PDE5A: variants seen among roughly 807,000 people sequenced by gnomAD.
PDE5A encodes the protein phosphodiesterase 5A.
PDE5A carries 67 observed loss-of-function variants against 110.2 expected under a neutral mutation model. The observed-to-expected ratio is 0.61, with a 90% CI of 0.50 to 0.75. The LOEUF is 0.75. Ranked by LOEUF, PDE5A falls within the 30% of genes least tolerant of loss-of-function variation. The pLI, the probability that PDE5A is intolerant of heterozygous loss-of-function variation, is 0.00. For missense variants in PDE5A, 862 were observed against 1,045.1 expected, an observed-to-expected ratio of 0.82 and a Z score of 2.42; for synonymous variants, 328 against 351.2, an observed-to-expected ratio of 0.93 and a Z score of 0.74.
intron 3 of PDE5A, among the ~76,000 whole-genome samples, chr4:119,580,994 C>T (rs1259990180): frequency 6.6e-6 from 1 of 152,192 alleles, no homozygotes; most frequent in Admixed American, 6.5e-5. Flanking sequence ...TGTTGGCCTG[C>T]AAAGCATAGG....
chr4:119,625,282 C>A (rs1413719588), intron 1 of PDE5A, among the ~76,000 whole-genome samples: 1 of 152,182 alleles, frequency 6.6e-6, no homozygotes, highest in African/African-American at 2.4e-5. Context: ...CAGGCATGAG[C>A]CACCGTGCCA....
chr4:119,515,093 AG>A (rs1387830793), intron 14 of PDE5A, among the ~76,000 whole-genome samples: 4 of 152,224 alleles, frequency 2.6e-5, no homozygotes, highest in African/African-American at 9.6e-5. Context: ...GCCTATATAA[AG>A]TTTTAGCTTC....
chr4:119,506,066 T>TA lies in PDE5A; in HGVS notation c.2190-135dup, dbSNP rs528173971. ...TTTTTTCCCATCTTAGAGCCCACTA[T>TA]AAAATCATCATTTACAAATCTTTAA... On this transcript the variant is annotated intron_variant, in intron 16 of 20. Transcript: ENST00000354960. 85 of 439,952 alleles carry TA rather than the reference T, an allele frequency of 1.9e-4. 1 individual carries two copies. In the South Asian group the frequency reaches 5.3e-3, roughly 27 times the overall value. 27.3% of individuals were successfully genotyped at this position (439,952 alleles called of 1,614,324 possible). A position where few individuals can be genotyped will look rare whatever the true frequency, so the allele number is the denominator to read the frequency against.
chr4:119,579,712 G>A (rs1436217807), intron 3 of PDE5A, among the ~76,000 whole-genome samples: 1 of 151,540 alleles, frequency 6.6e-6, no homozygotes, highest in Non-Finnish European at 1.5e-5. Context: ...AGTGGGGAGG[G>A]ATAGCATTTG....
chr4:119,513,008 A>T (rs1303531442), intron 14 of PDE5A: 1 of 151,950 alleles, frequency 6.6e-6, no homozygotes, highest in Non-Finnish European at 1.5e-5. Flanking sequence ...ATTATATTTA[A>T]TTTTTACAAT....
At position 119,498,229 on chromosome 4, in the gene PDE5A, T is replaced by G; in HGVS notation, c.*372A>C. On this transcript the variant is annotated 3_prime_UTR_variant, in exon 21 of 21. Transcript: ENST00000354960. ...AAAAAGGAAAGATTCCAAACATTCT[T>G]GAAAAAATGGTAATTCAGAAAACAC... is the stretch of plus-strand genomic sequence containing the variant. 6.1e-6 allele frequency: 1 copy of G among 163,366 alleles called. No individual in the cohort carries two copies. Among genetic ancestry groups the G allele is most frequent in the Admixed American group, 6.2e-5 (1 of 16,176 alleles). The allele number at this position is 163,366 out of a possible 1,614,324, so 10.1% of individuals were successfully genotyped here.
intron 8 of PDE5A, among the ~76,000 whole-genome samples, chr4:119,553,280 T>C (rs1560612807): frequency 6.6e-6 from 1 of 152,092 alleles, no homozygotes; most frequent in Non-Finnish European, 1.5e-5. Context: ...AGATTACCAA[T>C]TGCATCAGTT....
chr4:119,575,132 G>C (rs1489188851), intron 3 of PDE5A, among the ~76,000 whole-genome samples: 3 of 152,148 alleles, frequency 2.0e-5, no homozygotes, highest in Non-Finnish European at 1.5e-5. Context: ...GAGACGTTTA[G>C]AGAAAAAAGA....
intron 14 of PDE5A, among the ~76,000 whole-genome samples, chr4:119,511,469 A>G (rs187665446): frequency 9.0e-4 from 137 of 152,272 alleles, no homozygotes; most frequent in African/African-American, 2.8e-3. Flanking sequence ...TAGTTGTACC[A>G]ATTATATTTT....
intron 18 of PDE5A, among the ~76,000 whole-genome samples, chr4:119,504,129 G>A (rs1421010747): frequency 6.6e-6 from 1 of 151,922 alleles, no homozygotes; most frequent in Non-Finnish European, 1.5e-5. Flanking sequence ...AGTCCCCAGT[G>A]TCTATTATTT....
intron 1 of PDE5A, among the ~76,000 whole-genome samples, chr4:119,611,221 T>C (rs958653133): frequency 1.3e-5 from 2 of 152,210 alleles, no homozygotes; most frequent in Non-Finnish European, 2.9e-5. Context: ...AAATTCTCAC[T>C]ATCTGCTATT....
intron 1 of PDE5A, 24 bp from the exon 2 acceptor site, chr4:119,607,321 C>A (rs1370342844): frequency 6.7e-7 from 1 of 1,489,030 alleles, no homozygotes; most frequent in East Asian, 2.3e-5. Context: ...CGTGCAGACA[C>A]ATTAGATACT....
chr4:119,620,870 C>T (rs1421441634), intron 1 of PDE5A, among the ~76,000 whole-genome samples: 4 of 152,216 alleles, frequency 2.6e-5, no homozygotes, highest in Non-Finnish European at 5.9e-5. Flanking sequence ...GTATGCTGTG[C>T]TAGAGGAATA....
At position 119,627,250 on chromosome 4, in the gene PDE5A, C is replaced by T; in HGVS notation, c.152+1270G>A. ...GAGGCTCCGTAGGGGCAACAACGCG[C>T]GCAGGTGAGGTGAGGTGAGGTCGGC... is the stretch of plus-strand genomic sequence containing the variant. On this transcript the variant is annotated intron_variant, in intron 1 of 20. Transcript: ENST00000354960. This position sits in a 1 kb window ranked among gnomAD's most constrained non-coding sequence, Gnocchi z 4.6. 1.2e-6 allele frequency: 2 copies of T among 1,603,604 alleles called. No individual in the cohort carries two copies. The highest frequency in any genetic ancestry group is 1.3e-5 in the African/African-American group (1 of 74,660).
chr4:119,612,163 A>T (rs1354682341), intron 1 of PDE5A, among the ~76,000 whole-genome samples: 4 of 152,152 alleles, frequency 2.6e-5, no homozygotes, highest in African/African-American at 9.7e-5. Context: ...GGCCTTTGGG[A>T]GGGTTCTGCC....
chr4:119,542,215 CATA>C (rs1726955930), intron 10 of PDE5A, among the ~76,000 whole-genome samples: 1 of 152,090 alleles, frequency 6.6e-6, no homozygotes, highest in Non-Finnish European at 1.5e-5. Context: ...AAAGCAAAGG[CATA>C]AAGGGATAAA....
chr4:119,529,578 C>T (rs913097385), intron 11 of PDE5A, among the ~76,000 whole-genome samples: 1 of 152,130 alleles, frequency 6.6e-6, no homozygotes, highest in Non-Finnish European at 1.5e-5. Flanking sequence ...AGTCCTGCAG[C>T]TTGCAGTTCT....
intron 3 of PDE5A, among the ~76,000 whole-genome samples, chr4:119,587,446 C>A (rs1180284637): frequency 6.6e-6 from 1 of 150,410 alleles, no homozygotes; most frequent in East Asian, 2.0e-4. Context: ...TGCAGTGGCA[C>A]AATCTCGGCT....
intron 3 of PDE5A, among the ~76,000 whole-genome samples, chr4:119,593,969 T>C (rs1729067662): frequency 6.6e-6 from 1 of 152,066 alleles, no homozygotes; most frequent in African/African-American, 2.4e-5. Context: ...ACTCACTCAC[T>C]ATCACGAACA....
Sources: gnomAD v4.1 joint callset for allele counts (sites outside exome capture counted in the v4.1 genomes callset) on GRCh38, gnomAD v4.1.1 for gene constraint, Gnocchi (gnomAD v3.1) non-coding constraint, MANE v1.5 for transcripts, NCBI Gene and HGNC (gene_info 2026-07-23, HGNC 2026-07-21) for gene names.